SLC17A1: variants seen among roughly 807,000 people sequenced by gnomAD.
SLC17A1 encodes solute carrier family 17 member 1.
SLC17A1 carries 51 observed loss-of-function variants against 53.5 expected under a neutral mutation model. The ratio of observed to expected loss-of-function variants is 0.95; its 90% CI spans 0.76 to 1.20. The LOEUF (loss-of-function observed/expected upper bound fraction) is 1.20. SLC17A1 is among the 50% of genes most tolerant of loss of function. SLC17A1 has a pLI of 0.00. For missense variants in SLC17A1, 538 were observed against 568.2 expected (o/e 0.95, Z 0.54); for synonymous variants, 179 against 198.8 (o/e 0.90, Z 0.84).
chr6:25,776,124 C>T, the SLC17A1 span, among the ~76,000 whole-genome samples: 2 of 151,236 alleles, frequency 1.3e-5, no homozygotes, highest in Non-Finnish European at 3.0e-5. Context: ...ACCTGATTCT[C>T]CACAGTGTTA....
downstream of SLC17A1, chr6:25,779,355 C>A: frequency 1.2e-6 from 1 of 850,548 alleles, no homozygotes; most frequent in Non-Finnish European, 1.8e-6. Context: ...AGAAAACACG[C>A]TAGTTATTTA....
At chr6:25,741,794 G>T in the SLC17A1 span, among the ~76,000 whole-genome samples, 41,248 of 151,912 alleles carry the variant, frequency 0.27, 6,806 homozygotes, top group East Asian at 0.7. Context: ...CCAGCTAGTC[G>T]GGTGGCTGAG....
At chr6:25,812,777 A>AAT in intron 8 of SLC17A1, 54 bp downstream of exon 8, 1 of 1,393,560 alleles carries the variant, frequency 7.2e-7, no homozygotes, top group Non-Finnish European at 9.9e-7. Flanking sequence ...GAGACAGACA[A>AAT]ATGTACACAG....
At chr6:25,818,562 T>G (rs950065754) in intron 6 of SLC17A1, among the ~76,000 whole-genome samples, 3 of 152,196 alleles carry the variant, frequency 2.0e-5, no homozygotes, top group African/African-American at 7.2e-5. Context: ...ATCCACATTT[T>G]CTTATTCACA....
the SLC17A1 span, among the ~76,000 whole-genome samples, chr6:25,758,309 C>CAGCAA: frequency 6.6e-6 from 1 of 152,196 alleles, no homozygotes; most frequent in Non-Finnish European, 1.5e-5. Flanking sequence ...CAGAGAATAC[C>CAGCAA]AGCAACTGTC....
chr6:25,802,293 T>C (rs1763803447), intron 10 of SLC17A1, among the ~76,000 whole-genome samples: 1 of 152,226 alleles, frequency 6.6e-6, no homozygotes, highest in African/African-American at 2.4e-5. Context: ...ATATCTTCTG[T>C]ACAACTGGTA....
chr6:25,739,771 A>C, the SLC17A1 span, among the ~76,000 whole-genome samples: 1 of 152,262 alleles, frequency 6.6e-6, no homozygotes, highest in South Asian at 2.1e-4. Flanking sequence ...AATGGTTTCC[A>C]GGGGTTTGGG....
At chr6:25,806,563 A>G (rs1425340882) in intron 10 of SLC17A1, among the ~76,000 whole-genome samples, 1 of 152,104 alleles carries the variant, frequency 6.6e-6, no homozygotes, top group South Asian at 2.1e-4. Context: ...AGAGCATTCA[A>G]ACTGGAAAAC....
chr6:25,776,062 T>C, the SLC17A1 span, among the ~76,000 whole-genome samples: 45,310 of 151,926 alleles, frequency 0.3, 7,728 homozygotes, highest in East Asian at 0.74. Context: ...CTATAAACTT[T>C]TATATTTGTT....
chr6:25,828,029 C>T (rs1204740835), intron 2 of SLC17A1, among the ~76,000 whole-genome samples: 1 of 152,018 alleles, frequency 6.6e-6, no homozygotes, highest in African/African-American at 2.4e-5. Context: ...ATGATTAATC[C>T]CTCCTAGGGC....
chr6:25,783,934 A>G (rs1763323268), intron 12 of SLC17A1, among the ~76,000 whole-genome samples: 1 of 152,052 alleles, frequency 6.6e-6, no homozygotes. Context: ...ATAGGTGTCC[A>G]GATTAGCTCC....
At chr6:25,769,356 C>T in the SLC17A1 span, among the ~76,000 whole-genome samples, 1 of 152,026 alleles carries the variant, frequency 6.6e-6, no homozygotes, top group Non-Finnish European at 1.5e-5. Context: ...TGGCTCACAC[C>T]TTTAGTCCCA....
chr6:25,726,909 A>G, the SLC17A1 span: 2 of 1,610,858 alleles, frequency 1.2e-6, no homozygotes, highest in Non-Finnish European at 1.7e-6. Context: ...TGTGGTAGCT[A>G]TGCCGGAGGT....
chr6:25,768,636 G>C, the SLC17A1 span, among the ~76,000 whole-genome samples: 1 of 152,088 alleles, frequency 6.6e-6, no homozygotes, highest in South Asian at 2.1e-4. Flanking sequence ...CTCTCTCACT[G>C]TCCATACCCA....
At chr6:25,801,234 C>T (rs1763749503) in intron 10 of SLC17A1, among the ~76,000 whole-genome samples, 1 of 152,034 alleles carries the variant, frequency 6.6e-6, no homozygotes, top group Admixed American at 6.6e-5. Flanking sequence ...GAGTGAAACC[C>T]AGTAGAATTA....
chr6:25,732,204 T>C, the SLC17A1 span: 1 of 358,440 alleles, frequency 2.8e-6, no homozygotes, highest in Non-Finnish European at 5.2e-6. Flanking sequence ...AACTGATGTT[T>C]GACTGGAGTG....
At chr6:25,755,234 T>C in the SLC17A1 span, among the ~76,000 whole-genome samples, 1 of 152,214 alleles carries the variant, frequency 6.6e-6, no homozygotes, top group African/African-American at 2.4e-5. Context: ...ATTTTCATCA[T>C]GCCTAAAAAA....
At chr6:25,767,884 G>A in the SLC17A1 span, among the ~76,000 whole-genome samples, 1 of 152,080 alleles carries the variant, frequency 6.6e-6, no homozygotes, top group Non-Finnish European at 1.5e-5. Context: ...CTCAGTGGGG[G>A]AAAAGCTGAT....
At chr6:25,773,650 G>C in the SLC17A1 span, 1 of 1,613,476 alleles carries the variant, frequency 6.2e-7, no homozygotes, top group Non-Finnish European at 8.5e-7. Context: ...ACATCAGCTC[G>C]GTACTTCAAG....
Sources: allele counts gnomAD v4.1 joint callset (sites outside exome capture counted in the v4.1 genomes callset), GRCh38; gene constraint gnomAD v4.1.1; transcripts MANE v1.5; gene names NCBI Gene and HGNC (gene_info 2026-07-23, HGNC 2026-07-21).